Variants in SERGEF observed in about 807,000 individuals in gnomAD.
SERGEF encodes the protein secretion-regulating guanine nucleotide exchange factor.
A neutral mutation model predicts 50.0 loss-of-function variants in SERGEF; 51 were observed. The ratio of observed to expected loss-of-function variants is 1.02; its 90% CI spans 0.81 to 1.29. SERGEF has a LOEUF of 1.29. Ranked by LOEUF, SERGEF falls within the 50% of genes most tolerant of loss-of-function variation. The pLI is 0.00. For synonymous variants in SERGEF, 205 were observed against 212.4 expected (o/e 0.97, Z 0.30); for missense variants, 521 against 557.0 (o/e 0.94, Z 0.65).
At chr11:17,944,346 A>G (rs1260899070) in intron 9 of SERGEF, among the ~76,000 whole-genome samples, 3 of 152,180 alleles carry the variant, frequency 2.0e-5, no homozygotes, top group African/African-American at 7.2e-5. Flanking sequence ...TTCAACCATC[A>G]AAACTAAAAA....
At chr11:17,908,471 G>A (rs55641458) in intron 9 of SERGEF, among the ~76,000 whole-genome samples, 21,148 of 152,034 alleles carry the variant, frequency 0.14, 1,924 homozygotes, top group Middle Eastern at 0.27. Context: ...CGAGAAGACT[G>A]TTCTGACCAG....
chr11:18,012,275 C>A (rs1359513308), intron 1 of SERGEF, among the ~76,000 whole-genome samples: 1 of 152,206 alleles, frequency 6.6e-6, no homozygotes, highest in African/African-American at 2.4e-5. Flanking sequence ...GCACAAGACG[C>A]AGCGACTGCT....
At chr11:17,792,284 C>T (rs1183547161) in intron 10 of SERGEF, among the ~76,000 whole-genome samples, 1 of 152,236 alleles carries the variant, frequency 6.6e-6, no homozygotes, top group East Asian at 1.9e-4. Flanking sequence ...TACAGTTAAG[C>T]AGGAGTTCCA....
intron 9 of SERGEF, among the ~76,000 whole-genome samples, chr11:17,934,924 A>T (rs1309801584): frequency 6.6e-6 from 1 of 152,168 alleles, no homozygotes; most frequent in Admixed American, 6.5e-5. Context: ...ACTCAAAGAC[A>T]TGACCCAGGT....
At chr11:17,834,068 G>A (rs1850360705) in intron 10 of SERGEF, among the ~76,000 whole-genome samples, 1 of 152,118 alleles carries the variant, frequency 6.6e-6, no homozygotes, top group African/African-American at 2.4e-5. Context: ...GAAATGATAT[G>A]GTTTAGCTCC....
At chr11:17,962,650 G>A (rs1001797906) in intron 8 of SERGEF, among the ~76,000 whole-genome samples, 8 of 152,140 alleles carry the variant, frequency 5.3e-5, no homozygotes, top group African/African-American at 9.7e-5. Context: ...TTAGCACAGA[G>A]AAATAACTAC....
rs200442630 is a variant in SERGEF at position 17,907,163 on chromosome 11, CAAAA to C, written c.1012-28923_1012-28920del. 3.0e-4 allele frequency among the ~76,000 whole-genome samples: 35 copies of C among 116,786 alleles called. No homozygotes were observed. The East Asian group carries it at 8.8e-3, about 29-fold the overall frequency. The allele number at this position is 116,786 out of a possible 152,430, so 76.6% of individuals were successfully genotyped here. A position where few individuals can be genotyped will look rare whatever the true frequency, so the allele number is the denominator to read the frequency against. ...TCTGTCAAACTGTCAAACTTATGAC[CAAAA>C]AAAAAAAAAAAAAAAATGTACTTTC... On this transcript the variant is annotated intron_variant, in intron 9 of 10. Transcript: ENST00000265965.
intron 8 of SERGEF, among the ~76,000 whole-genome samples, chr11:17,967,894 G>A (rs1853159228): frequency 6.6e-6 from 1 of 152,190 alleles, no homozygotes; most frequent in African/African-American, 2.4e-5. Flanking sequence ...CAGCCTGTCT[G>A]TCCCACTTAT....
rs74409742 is a variant in SERGEF at position 17,867,860 on chromosome 11, C to T, written c.1048+10348G>A. Among the ~76,000 whole-genome samples, 538 of 152,312 alleles carry T rather than the reference C, an allele frequency of 3.5e-3. 2 individuals are homozygous for T. The highest frequency in any genetic ancestry group is 0.01 in the African/African-American group (426 of 41,564). On this transcript the variant is annotated intron_variant, in intron 10 of 10. Coordinates refer to ENST00000265965, the MANE Select transcript of SERGEF (RefSeq NM_012139.4). Reference sequence around the variant, plus strand: ...TTGAGGCTTGTACCCACTGAAGCCACGGCCAGGGCTCTACATTGGCCCCTT... The same window carrying T: ...TTGAGGCTTGTACCCACTGAAGCCATGGCCAGGGCTCTACATTGGCCCCTT...
At chr11:17,899,204 G>C (rs183865160) in intron 9 of SERGEF, among the ~76,000 whole-genome samples, 55 of 152,266 alleles carry the variant, frequency 3.6e-4, no homozygotes, top group African/African-American at 1.3e-3. Context: ...TTATAGCAGT[G>C]TGAGAACAGA....
At position 17,899,815 on chromosome 11, in the gene SERGEF, G is replaced by A. The variant is rs1312384661; in HGVS notation, c.1012-21571C>T. ...AAAAAAAAATTAAAAAATTAGCCAG[G>A]CATGGTAGCACACACCTGTAGTCCT... On this transcript the variant is annotated intron_variant, in intron 9 of 10. Transcript: ENST00000265965. Among the ~76,000 whole-genome samples, 4 of 151,988 alleles carry A rather than the reference G, an allele frequency of 2.6e-5. No homozygotes were observed. The East Asian group carries it at 7.8e-4, about 29-fold the overall frequency.
At chr11:17,886,935 T>C (rs1414044937) in intron 9 of SERGEF, among the ~76,000 whole-genome samples, 2 of 152,138 alleles carry the variant, frequency 1.3e-5, no homozygotes, top group African/African-American at 4.8e-5. Flanking sequence ...AATGCATAGA[T>C]TGACCACAGC....
chr11:17,900,537 A>T (rs1303406630), intron 9 of SERGEF, among the ~76,000 whole-genome samples: 1 of 152,210 alleles, frequency 6.6e-6, no homozygotes, highest in Non-Finnish European at 1.5e-5. Flanking sequence ...ATTTATTATT[A>T]AACTAAAATC....
At chr11:17,790,669 AG>A (rs1849470907) in intron 10 of SERGEF, among the ~76,000 whole-genome samples, 2 of 152,208 alleles carry the variant, frequency 1.3e-5, no homozygotes, top group Admixed American at 1.3e-4. Context: ...GATCCCTGGG[AG>A]TATATGAGTC....
chr11:17,850,699 G>A (rs1850695154), intron 10 of SERGEF, among the ~76,000 whole-genome samples: 2 of 152,118 alleles, frequency 1.3e-5, no homozygotes, highest in Admixed American at 6.6e-5. Flanking sequence ...CTGCATTCTT[G>A]GAGTACTCTG....
chr11:17,883,104 C>G (rs909348367), intron 9 of SERGEF, among the ~76,000 whole-genome samples: 6 of 152,120 alleles, frequency 3.9e-5, no homozygotes, highest in African/African-American at 1.4e-4. Context: ...GAAGTCAGAG[C>G]TGCAAAAAAC....
At chr11:17,965,430 C>T (rs553718843) in intron 8 of SERGEF, among the ~76,000 whole-genome samples, 1 of 152,256 alleles carries the variant, frequency 6.6e-6, no homozygotes, top group African/African-American at 2.4e-5. Context: ...CATACTGGTT[C>T]CCTTTGTCCC....
intron 9 of SERGEF, among the ~76,000 whole-genome samples, chr11:17,898,080 T>C (rs1173718742): frequency 6.6e-6 from 1 of 152,236 alleles, no homozygotes; most frequent in African/African-American, 2.4e-5. Flanking sequence ...CTGGCAGGGC[T>C]GAGCATTCAT....
intron 10 of SERGEF, among the ~76,000 whole-genome samples, chr11:17,820,826 C>T (rs990804040): frequency 2.0e-4 from 31 of 152,168 alleles, no homozygotes; most frequent in African/African-American, 7.2e-4. Flanking sequence ...GGAAATCTGA[C>T]ACACAGACAA....
Sources: gnomAD v4.1 joint callset for allele counts (sites outside exome capture counted in the v4.1 genomes callset) on GRCh38, gnomAD v4.1.1 for gene constraint, MANE v1.5 for transcripts, NCBI Gene and HGNC (gene_info 2026-07-23, HGNC 2026-07-21) for gene names.